Variants in SGCZ observed in about 807,000 individuals in gnomAD.
SGCZ encodes zeta-sarcoglycan.
In SGCZ, 40 loss-of-function variants were observed where a neutral mutation model predicts 41.3. The ratio of observed to expected loss-of-function variants is 0.97; its 90% CI spans 0.75 to 1.26. The LOEUF (loss-of-function observed/expected upper bound fraction) is 1.26. Among genes scored for constraint, SGCZ ranks in the 50% most tolerant of loss-of-function variants. The probability of loss-of-function intolerance (pLI) is 0.00; values close to 1 mark genes in which losing one functional copy is unlikely to be tolerated. For synonymous variants in SGCZ, 206 were observed against 137.5 expected, an observed-to-expected ratio of 1.50 and a Z score of -3.49; for missense variants, 552 against 369.8, an observed-to-expected ratio of 1.49 and a Z score of -4.04.
chr8:14,809,067 C>G (rs1056657885), intron 1 of SGCZ, among the ~76,000 whole-genome samples: 3 of 143,588 alleles, frequency 2.1e-5, no homozygotes, highest in Non-Finnish European at 3.0e-5. Context: ...ACATCACACT[C>G]TGGGGACTGT....
intron 1 of SGCZ, among the ~76,000 whole-genome samples, chr8:14,889,391 A>C (rs1305918134): frequency 1.3e-5 from 2 of 152,102 alleles, no homozygotes; most frequent in Non-Finnish European, 2.9e-5. Flanking sequence ...CTGAACCTTA[A>C]TTTTGTATTG....
intron 2 of SGCZ, among the ~76,000 whole-genome samples, chr8:14,423,594 T>C (rs1799694996): frequency 6.6e-6 from 1 of 152,128 alleles, no homozygotes; most frequent in South Asian, 2.1e-4. Context: ...TTTTGTATTT[T>C]TAGTAGAGAC....
intron 1 of SGCZ, among the ~76,000 whole-genome samples, chr8:14,884,946 C>T (rs1246478525): frequency 6.6e-6 from 1 of 152,104 alleles, no homozygotes; most frequent in Non-Finnish European, 1.5e-5. Context: ...GCTGTGACTT[C>T]TGCAGGATCT....
chr8:15,113,017 T>A (rs776167856), intron 1 of SGCZ, among the ~76,000 whole-genome samples: 1 of 152,110 alleles, frequency 6.6e-6, no homozygotes, highest in Admixed American at 6.6e-5. Context: ...GAGACCAGCC[T>A]GGGCAACATG....
chr8:14,426,978 T>G (rs544223287), intron 2 of SGCZ, among the ~76,000 whole-genome samples: 127 of 152,282 alleles, frequency 8.3e-4, no homozygotes, highest in African/African-American at 2.9e-3. Context: ...GATTCTTTAT[T>G]ATTTGTTTTG....
chr8:14,691,379 G>A (rs924786595), intron 1 of SGCZ, among the ~76,000 whole-genome samples: 1 of 152,018 alleles, frequency 6.6e-6, no homozygotes, highest in Admixed American at 6.6e-5. Context: ...TACAAACCAA[G>A]TCAACCGATA....
At chr8:14,158,925 C>A (rs1326505278) in intron 5 of SGCZ, among the ~76,000 whole-genome samples, 1 of 152,056 alleles carries the variant, frequency 6.6e-6, no homozygotes, top group African/African-American at 2.4e-5. Context: ...CCCACCAGCA[C>A]ACTGGCTAAT....
chr8:15,051,366 T>C (rs1415917272), intron 1 of SGCZ, among the ~76,000 whole-genome samples: 2 of 152,350 alleles, frequency 1.3e-5, no homozygotes, highest in East Asian at 3.9e-4. Context: ...TTCCCTTAAA[T>C]TGTTGTATAG....
At chr8:14,540,484 C>T (rs1043191369) in intron 2 of SGCZ, among the ~76,000 whole-genome samples, 5 of 151,292 alleles carry the variant, frequency 3.3e-5, no homozygotes, top group South Asian at 2.1e-4. Flanking sequence ...CTATATCTTT[C>T]GTCTTTACAA....
At chr8:14,348,318 G>C (rs988022309) in intron 2 of SGCZ, among the ~76,000 whole-genome samples, 6 of 152,058 alleles carry the variant, frequency 3.9e-5, no homozygotes, top group Non-Finnish European at 8.8e-5. Context: ...ATCTCCCCAA[G>C]TGCTGGCATT....
intron 1 of SGCZ, among the ~76,000 whole-genome samples, chr8:14,703,204 T>C (rs1316882401): frequency 6.6e-6 from 1 of 151,994 alleles, no homozygotes; most frequent in Non-Finnish European, 1.5e-5. Context: ...ATATTTACTT[T>C]CATACATGCA....
In SGCZ at chr8:14,702,834, TAGATAGATAGATAGATA is replaced by T. The variant is rs1386881365; in HGVS notation, c.40-147925_40-147909del. ...TTAGGTAGATAGATAGATAGATAGA[TAGATAGATAGATAGATA>T]GATAGATAGATAGATAGATAGATAG... On this transcript the variant is annotated intron_variant, in intron 1 of 7. Transcript: ENST00000382080. 2.4e-3 allele frequency among the ~76,000 whole-genome samples: 263 copies of T among 108,478 alleles called. 5 individuals are homozygous for T. The highest frequency in any genetic ancestry group is 9.0e-3 in the South Asian group (31 of 3,448). The allele number at this position is 108,478 out of a possible 152,430, so 71.2% of individuals were successfully genotyped here. A position where few individuals can be genotyped will look rare whatever the true frequency, so the allele number is the denominator to read the frequency against.
chr8:14,684,338 T>C (rs1423333431), intron 1 of SGCZ, among the ~76,000 whole-genome samples: 1 of 152,146 alleles, frequency 6.6e-6, no homozygotes, highest in African/African-American at 2.4e-5. Flanking sequence ...TGGAACCAAA[T>C]CATGTATTGA....
At chr8:15,216,988 A>C (rs1445619024) in intron 1 of SGCZ, among the ~76,000 whole-genome samples, 2 of 152,144 alleles carry the variant, frequency 1.3e-5, no homozygotes, top group African/African-American at 4.8e-5. Flanking sequence ...ACAATCTTTC[A>C]GGGGAATGGA....
chr8:14,309,522 C>T (rs1271217871), intron 3 of SGCZ: 3 of 1,609,696 alleles, frequency 1.9e-6, no homozygotes, highest in African/African-American at 2.7e-5. Context: ...GTGTGGACTA[C>T]TGAATGTGAA....
At chr8:14,393,234 A>T (rs1192707566) in intron 2 of SGCZ, among the ~76,000 whole-genome samples, 1 of 152,170 alleles carries the variant, frequency 6.6e-6, no homozygotes, top group Non-Finnish European at 1.5e-5. Context: ...GTCCTCAGTA[A>T]GGCTTTTCTC....
intron 5 of SGCZ, among the ~76,000 whole-genome samples, chr8:14,141,791 T>A (rs964077176): frequency 6.6e-6 from 1 of 152,164 alleles, no homozygotes; most frequent in African/African-American, 2.4e-5. Context: ...AGAAAAACCA[T>A]TTGACCCAGC....
chr8:15,234,200 T>C (rs976471551), intron 1 of SGCZ, among the ~76,000 whole-genome samples: 4 of 152,188 alleles, frequency 2.6e-5, no homozygotes, highest in South Asian at 2.1e-4. Context: ...AGAGCAACGA[T>C]GGAGCTAAAA....
At chr8:15,194,122 A>T (rs1800633363) in intron 1 of SGCZ, among the ~76,000 whole-genome samples, 1 of 151,850 alleles carries the variant, frequency 6.6e-6, no homozygotes, top group African/African-American at 2.4e-5. Flanking sequence ...GTTTACAAGT[A>T]GTTTTAGTAC....
Sources: gnomAD v4.1 joint callset for allele counts (sites outside exome capture counted in the v4.1 genomes callset) on GRCh38, gnomAD v4.1.1 for gene constraint, MANE v1.5 for transcripts, NCBI Gene and HGNC (gene_info 2026-07-23, HGNC 2026-07-21) for gene names.